LAMTOR3: variants seen among roughly 807,000 people sequenced by gnomAD.
The protein encoded by LAMTOR3 is ragulator complex protein LAMTOR3.
LAMTOR3 carries 14 observed loss-of-function variants against 20.3 expected under a neutral mutation model. The ratio of observed to expected loss-of-function variants is 0.69; its 90% CI spans 0.46 to 1.08. The LOEUF (loss-of-function observed/expected upper bound fraction) is 1.08, where lower values mean the gene tolerates loss of function less well. Among genes scored for constraint, LAMTOR3 ranks in the 50% least tolerant of loss-of-function variants. The pLI is 0.00. For missense variants in LAMTOR3, 125 were observed against 143.7 expected (o/e 0.87, Z 0.67); for synonymous variants, 40 against 49.4 (o/e 0.81, Z 0.80).
rs1724878123 is a variant in LAMTOR3 at position 99,884,235 on chromosome 4, C to G, written c.238-110G>C. ...CTTTAAAATCATCAATGTTTTAGCCCAACATTATGGTATTATATTATGAAA... is the reference window on the plus strand; with the variant it reads ...CTTTAAAATCATCAATGTTTTAGCCGAACATTATGGTATTATATTATGAAA... On this transcript the variant is annotated intron_variant, in intron 5 of 6. Transcript: ENST00000499666. 15 of 772,108 alleles carry G rather than the reference C, an allele frequency of 1.9e-5. No individual in the cohort carries two copies. The South Asian group carries it at 2.3e-4, about 12-fold the overall frequency. 47.8% of individuals were successfully genotyped at this position (772,108 alleles called of 1,614,324 possible).
At position 99,887,349 on chromosome 4, in the gene LAMTOR3, T is replaced by C; in HGVS notation, c.50A>G (p.Glu17Gly). 1 of 1,472,606 alleles carries C rather than the reference T, an allele frequency of 6.8e-7. No homozygotes were observed. The highest frequency in any genetic ancestry group is 9.1e-7 in the Non-Finnish European group (1 of 1,094,102). The allele number at this position is 1,472,606 out of a possible 1,614,324, so 91.2% of individuals were successfully genotyped here. A position where few individuals can be genotyped will look rare whatever the true frequency, so the allele number is the denominator to read the frequency against. The change falls in exon 4 of 7, where the codon GAA (glutamate) becomes GGA (glycine). Residue 17 changes from glutamate (E) to glycine (G), a missense_variant. Around this residue, in one of 3 missense-constraint regions of LAMTOR3, gnomAD observed 99 missense variants for 96.0 expected, o/e 1.03. Coordinates refer to ENST00000499666, the MANE Select transcript of LAMTOR3 (RefSeq NM_021970.4). ...TGACACAACAATGGCATGGAGCCCTTCAACACTAGAAAAAGAAAATAGTTA... is the reference window on the plus strand; with the variant it reads ...TGACACAACAATGGCATGGAGCCCTCCAACACTAGAAAAAGAAAATAGTTA... ...RFLYKKLPSVEGLHAIVVSDR... is the reference protein window; with the variant it reads ...RFLYKKLPSVGGLHAIVVSDR...
chr4:99,884,638 T>C (rs1442662717), intron 5 of LAMTOR3, among the ~76,000 whole-genome samples: 1 of 152,178 alleles, frequency 6.6e-6, no homozygotes, highest in African/African-American at 2.4e-5. Context: ...TGGTTATCTT[T>C]TACTTAATAC....
chr4:99,883,854 A>G (rs538157303), intron 6 of LAMTOR3, among the ~76,000 whole-genome samples: 11 of 152,208 alleles, frequency 7.2e-5, no homozygotes, highest in South Asian at 6.2e-4. Flanking sequence ...AGATGGAGAA[A>G]GCATATATTA....
intron 2 of LAMTOR3, among the ~76,000 whole-genome samples, chr4:99,892,421 T>A (rs1029335740): frequency 6.6e-6 from 1 of 152,226 alleles, no homozygotes; most frequent in African/African-American, 2.4e-5. Context: ...GAGAAGACGT[T>A]ATAAACACCT....
intron 5 of LAMTOR3, among the ~76,000 whole-genome samples, chr4:99,884,798 C>G (rs968126937): frequency 3.9e-5 from 6 of 152,188 alleles, no homozygotes; most frequent in African/African-American, 1.4e-4. Flanking sequence ...AAGTCCGTCT[C>G]TACCAAAAAT....
In LAMTOR3 at chr4:99,881,884, G is replaced by T; in HGVS notation, c.*110C>A. On this transcript the variant is annotated 3_prime_UTR_variant, in exon 7 of 7. Coordinates refer to ENST00000499666, the MANE Select transcript of LAMTOR3 (RefSeq NM_021970.4). ...GCTCTTTAGTATAAGTTGGAAAAAG[G>T]GGCCCTTTCTTGAGCACATGGATAA... The T allele has an allele frequency of 4.1e-6, 3 of 728,080 alleles. No homozygotes were observed. In the South Asian group the frequency reaches 4.9e-5, roughly 12 times the overall value. The allele number at this position is 728,080 out of a possible 1,614,324, so 45.1% of individuals were successfully genotyped here.
intron 5 of LAMTOR3, among the ~76,000 whole-genome samples, 158 bp from the exon 6 acceptor site, chr4:99,884,283 G>C (rs946928892): frequency 2.0e-5 from 3 of 152,156 alleles, no homozygotes; most frequent in Non-Finnish European, 2.9e-5. Context: ...TTATATTTCA[G>C]TGAATATTTC....
rs1724773885 is a variant in LAMTOR3 at position 99,879,272 on chromosome 4, A to G, written c.*2722T>C. ...CTGTACTACCTTTCAAAAACAGTTAATCTAGGTTTACATTACCCTTTCAAA... is the reference window on the plus strand; with the variant it reads ...CTGTACTACCTTTCAAAAACAGTTAGTCTAGGTTTACATTACCCTTTCAAA... On this transcript the variant is annotated 3_prime_UTR_variant, in exon 7 of 7. Transcript: ENST00000499666. 1 of 152,156 alleles carries G rather than the reference A, an allele frequency of 6.6e-6. No individual in the cohort carries two copies. The highest frequency in any genetic ancestry group is 2.1e-4 in the South Asian group (1 of 4,828). The allele number at this position is 152,156 out of a possible 1,614,324, so 9.4% of individuals were successfully genotyped here. A position where few individuals can be genotyped will look rare whatever the true frequency, so the allele number is the denominator to read the frequency against.
At chr4:99,890,916 C>T (rs143865496) in intron 3 of LAMTOR3, among the ~76,000 whole-genome samples, 5 of 152,134 alleles carry the variant, frequency 3.3e-5, no homozygotes, top group Non-Finnish European at 5.9e-5. Context: ...GTGTCACACG[C>T]TATTATGATT....
intron 5 of LAMTOR3, among the ~76,000 whole-genome samples, chr4:99,884,907 G>A (rs922022142): frequency 2.0e-5 from 3 of 151,966 alleles, no homozygotes; most frequent in African/African-American, 7.3e-5. Context: ...GGAGGCTGCA[G>A]TGAGCTGAGA....
At chr4:99,889,743 T>G (rs1724990399) in intron 3 of LAMTOR3, among the ~76,000 whole-genome samples, 1 of 152,196 alleles carries the variant, frequency 6.6e-6, no homozygotes, top group South Asian at 2.1e-4. Flanking sequence ...ACTCTGTGAA[T>G]GTACTACTTA....
rs1724757571 is a variant in LAMTOR3, at chr4:99,878,643, A to T, written c.*3351T>A. 1 of 152,230 alleles carries T rather than the reference A, an allele frequency of 6.6e-6. No individual in the cohort carries two copies. The highest frequency in any genetic ancestry group is 2.4e-5 in the African/African-American group (1 of 41,464). The allele number at this position is 152,230 out of a possible 1,614,324, so 9.4% of individuals were successfully genotyped here. A position where few individuals can be genotyped will look rare whatever the true frequency, so the allele number is the denominator to read the frequency against. On this transcript the variant is annotated 3_prime_UTR_variant, in exon 7 of 7. Coordinates refer to ENST00000499666, the MANE Select transcript of LAMTOR3 (RefSeq NM_021970.4). The stretch of plus-strand genomic sequence containing the variant: ...ATACATCAATTGTAGCATGCCATAC[A>T]GTTTGACACCATGCTTTTCTCAATA...
intron 5 of LAMTOR3, 99 bp from the exon 6 acceptor site, chr4:99,884,224 AT>A: frequency 1.2e-6 from 1 of 859,876 alleles, no homozygotes. Flanking sequence ...AAAATCATCA[AT>A]GTTTTAGCCC....
intron 4 of LAMTOR3, among the ~76,000 whole-genome samples, chr4:99,886,347 A>G (rs1724925008): frequency 6.6e-6 from 1 of 152,206 alleles, no homozygotes; most frequent in South Asian, 2.1e-4. Context: ...TATGGGTTCT[A>G]TTACTGTTTT....
intron 4 of LAMTOR3, among the ~76,000 whole-genome samples, chr4:99,887,087 G>A (rs1016584144): frequency 5.3e-5 from 8 of 152,152 alleles, no homozygotes; most frequent in Non-Finnish European, 1.0e-4. Context: ...AACTCTAGAT[G>A]TTAATATGAT....
At chr4:99,887,258 A>G in intron 4 of LAMTOR3, 38 bp downstream of exon 4, 4 of 1,373,854 alleles carry the variant, frequency 2.9e-6, no homozygotes, top group Admixed American at 2.1e-5. Context: ...TTTAGTCAAA[A>G]GCAAAGAAGA....
intron 3 of LAMTOR3, among the ~76,000 whole-genome samples, 154 bp from the exon 4 acceptor site, chr4:99,887,508 C>T (rs1289642272): frequency 2.0e-5 from 3 of 151,898 alleles, no homozygotes; most frequent in Non-Finnish European, 4.4e-5. Context: ...CAAAATTCTC[C>T]CAGAAATTGA....
intron 2 of LAMTOR3, among the ~76,000 whole-genome samples, 173 bp downstream of exon 2, chr4:99,893,782 A>G (rs1242209417): frequency 6.6e-6 from 1 of 152,056 alleles, no homozygotes; most frequent in Non-Finnish European, 1.5e-5. Context: ...GATCCTGCAA[A>G]TTCATTCATA....
intron 2 of LAMTOR3, among the ~76,000 whole-genome samples, chr4:99,892,484 G>A (rs1725040074): frequency 6.6e-6 from 1 of 152,120 alleles, no homozygotes; most frequent in Non-Finnish European, 1.5e-5. Flanking sequence ...CTTGGGTAAG[G>A]TGATATGACC....
Sources: allele counts gnomAD v4.1 joint callset (sites outside exome capture counted in the v4.1 genomes callset), GRCh38; gene constraint gnomAD v4.1.1; regional missense constraint gnomAD v4.1.1; transcripts MANE v1.5; gene names NCBI Gene and HGNC (gene_info 2026-07-23, HGNC 2026-07-21).